The following HMGCLL1 variants were observed in gnomAD, a reference collection of about 807,000 sequenced individuals.
The protein encoded by HMGCLL1 is 3-hydroxymethyl-3-methylglutaryl-CoA lyase, cytoplasmic.
Under a neutral mutation model 39.1 loss-of-function variants are expected in HMGCLL1, and 36 were observed. The observed-to-expected ratio is 0.92, with a 90% CI of 0.71 to 1.22. The LOEUF is 1.22. Ranked by LOEUF, HMGCLL1 falls within the 50% of genes most tolerant of loss-of-function variation. The probability of loss-of-function intolerance (pLI) is 0.00; values close to 1 mark genes in which losing one functional copy is unlikely to be tolerated. For missense variants in HMGCLL1, 451 were observed against 416.5 expected (o/e 1.08, Z -0.72); for synonymous variants, 149 against 144.0 (o/e 1.03, Z -0.25).
chr6:55,477,448 A>ATATATT (rs1554143348), intron 7 of HMGCLL1, among the ~76,000 whole-genome samples: 4 of 56,186 alleles, frequency 7.1e-5, no homozygotes, highest in African/African-American at 2.8e-4. Context: ...TTATATATAT[A>ATATATT]ATATATTACA....
intron 7 of HMGCLL1, among the ~76,000 whole-genome samples, chr6:55,445,927 TCAAA>T (rs1763810055): frequency 6.6e-6 from 1 of 152,080 alleles, no homozygotes; most frequent in Admixed American, 6.6e-5. Context: ...TTTATATTTA[TCAAA>T]CAAACGGGTT....
chr6:55,455,089 A>C (rs1267967169), intron 7 of HMGCLL1, among the ~76,000 whole-genome samples: 1 of 152,110 alleles, frequency 6.6e-6, no homozygotes, highest in East Asian at 1.9e-4. Flanking sequence ...CCTGGGCTTC[A>C]GAGTGAGACC....
intron 7 of HMGCLL1, among the ~76,000 whole-genome samples, chr6:55,466,307 G>C (rs186559014): frequency 7.7e-4 from 117 of 152,214 alleles, no homozygotes; most frequent in African/African-American, 2.6e-3. Flanking sequence ...GAATGAGAGA[G>C]GCAGCATCAA....
intron 1 of HMGCLL1, among the ~76,000 whole-genome samples, chr6:55,573,593 G>A (rs561045253): frequency 1.3e-5 from 2 of 151,814 alleles, no homozygotes; most frequent in South Asian, 4.1e-4. Context: ...AGCTGAAGAA[G>A]AAATTACTGA....
intron 3 of HMGCLL1, among the ~76,000 whole-genome samples, chr6:55,529,147 T>C (rs1768492558): frequency 6.6e-6 from 1 of 152,138 alleles, no homozygotes; most frequent in Non-Finnish European, 1.5e-5. Flanking sequence ...TCTTCCCATG[T>C]CAAAACAATC....
intron 5 of HMGCLL1, among the ~76,000 whole-genome samples, chr6:55,504,301 A>C (rs989476483): frequency 6.6e-6 from 1 of 151,702 alleles, no homozygotes; most frequent in Non-Finnish European, 1.5e-5. Flanking sequence ...TAATGACTTC[A>C]TTGTACTGGT....
intron 5 of HMGCLL1, among the ~76,000 whole-genome samples, chr6:55,510,473 G>A (rs1767393283): frequency 6.6e-6 from 1 of 151,284 alleles, no homozygotes; most frequent in Non-Finnish European, 1.5e-5. Flanking sequence ...AAAAAATGAT[G>A]AGTTCATGTC....
At chr6:55,607,075 C>G in the HMGCLL1 span, among the ~76,000 whole-genome samples, 1 of 152,118 alleles carries the variant, frequency 6.6e-6, no homozygotes, top group Non-Finnish European at 1.5e-5. Flanking sequence ...GAAGCTAACA[C>G]TCTCTGCTTG....
At chr6:55,463,348 A>G (rs1015733925) in intron 7 of HMGCLL1, among the ~76,000 whole-genome samples, 13 of 152,150 alleles carry the variant, frequency 8.5e-5, no homozygotes, top group African/African-American at 1.2e-4. Context: ...TTTAGCTGAG[A>G]AGAGAGATAA....
intron 1 of HMGCLL1, among the ~76,000 whole-genome samples, chr6:55,561,700 C>A (rs1240465224): frequency 6.6e-6 from 1 of 152,124 alleles, no homozygotes; most frequent in African/African-American, 2.4e-5. Flanking sequence ...TTGAACAACT[C>A]TTCTATCAGT....
At chr6:55,466,780 A>G (rs1003776267) in intron 7 of HMGCLL1, among the ~76,000 whole-genome samples, 4 of 152,102 alleles carry the variant, frequency 2.6e-5, no homozygotes, top group Admixed American at 6.6e-5. Context: ...TATGTTCCTT[A>G]AATCTACTTT....
At chr6:55,546,819 T>C (rs1211184443) in intron 1 of HMGCLL1, among the ~76,000 whole-genome samples, 2 of 152,072 alleles carry the variant, frequency 1.3e-5, no homozygotes, top group Non-Finnish European at 2.9e-5. Flanking sequence ...GTATATCCTG[T>C]TTAATGTGCA....
the HMGCLL1 span, among the ~76,000 whole-genome samples, chr6:55,603,164 A>G: frequency 6.6e-6 from 1 of 152,140 alleles, no homozygotes. Context: ...AAATTATTCT[A>G]GTTTCTAGAC....
chr6:55,672,422 C>T, the HMGCLL1 span, among the ~76,000 whole-genome samples: 1 of 151,640 alleles, frequency 6.6e-6, no homozygotes, highest in African/African-American at 2.4e-5. Context: ...TTTATGACAT[C>T]AAATCCTTCA....
the HMGCLL1 span, among the ~76,000 whole-genome samples, chr6:55,651,962 G>C: frequency 6.6e-6 from 1 of 152,048 alleles, no homozygotes; most frequent in Admixed American, 6.6e-5. Flanking sequence ...TGGCTGCAGG[G>C]AGGATGAAGG....
intron 7 of HMGCLL1, among the ~76,000 whole-genome samples, chr6:55,442,781 T>C (rs894793827): frequency 1.3e-5 from 2 of 152,168 alleles, no homozygotes; most frequent in Non-Finnish European, 2.9e-5. Context: ...TAGGACAATT[T>C]TCATTTACTA....
intron 8 of HMGCLL1, 54 bp from the exon 9 acceptor site, chr6:55,435,817 G>C (rs923767746): frequency 4.5e-5 from 40 of 886,160 alleles, no homozygotes; most frequent in Non-Finnish European, 6.7e-5. Context: ...AGAGAAAAAA[G>C]ATAAAACATA....
chr6:55,552,203 G>A (rs4346853), intron 1 of HMGCLL1, among the ~76,000 whole-genome samples: 101,548 of 151,778 alleles, frequency 0.67, 34,424 homozygotes, highest in Admixed American at 0.72. Flanking sequence ...AGACAACCCC[G>A]TAGTGATCTA....
chr6:55,610,379 A>T, the HMGCLL1 span, among the ~76,000 whole-genome samples: 1 of 152,028 alleles, frequency 6.6e-6, no homozygotes, highest in South Asian at 2.1e-4. Flanking sequence ...CGAGAATTTC[A>T]TGAAACATAT....
Sources: allele counts gnomAD v4.1 joint callset (sites outside exome capture counted in the v4.1 genomes callset), GRCh38; gene constraint gnomAD v4.1.1; transcripts MANE v1.5; gene names NCBI Gene and HGNC (gene_info 2026-07-23, HGNC 2026-07-21).